MOV10: variants seen among roughly 807,000 people sequenced by gnomAD.
The protein encoded by MOV10 is RNA helicase MOV-10.
In MOV10, 39 loss-of-function variants were observed where a neutral mutation model predicts 108.4. That is an observed-to-expected ratio of 0.36 (90% CI 0.28 to 0.47). The LOEUF (loss-of-function observed/expected upper bound fraction) is 0.47. Among genes scored for constraint, MOV10 ranks in the 20% least tolerant of loss-of-function variants. The pLI is 1.00. For missense variants in MOV10, 952 were observed against 1,297.6 expected (o/e 0.73, Z 4.09); for synonymous variants, 490 against 523.1 (o/e 0.94, Z 0.86).
chr1:112,696,571 G>A (rs919489917), intron 13 of MOV10, 37 bp downstream of exon 13: 1 of 1,611,018 alleles, frequency 6.2e-7, no homozygotes. Context: ...TATACACCCT[G>A]TGTGGGTCAG....
chr1:112,696,905 AC>A, intron 14 of MOV10, 59 bp downstream of exon 14: 1 of 1,376,524 alleles, frequency 7.3e-7, no homozygotes, highest in Non-Finnish European at 1.0e-6. Context: ...CTGCATGCAG[AC>A]CCCACTGGAG....
intron 14 of MOV10, 82 bp downstream of exon 14, chr1:112,696,928 C>A: frequency 2.6e-6 from 3 of 1,154,524 alleles, no homozygotes; most frequent in East Asian, 2.6e-5. Context: ...GTCTGGCTTG[C>A]TGTCAGTCCT....
At chr1:112,690,762 A>G (rs892714488) in intron 5 of MOV10, among the ~76,000 whole-genome samples, 4 of 152,138 alleles carry the variant, frequency 2.6e-5, no homozygotes, top group African/African-American at 9.7e-5. Context: ...TATATTCACA[A>G]ATATGTGACA....
chr1:112,700,474 G>T lies in MOV10; in HGVS notation c.2979G>T (p.Leu993=), dbSNP rs116614538. 1,824 of 1,613,860 alleles carry T rather than the reference G, an allele frequency of 1.1e-3. 19 individuals carry two copies. The African/African-American group carries it at 0.017, about 15-fold the overall frequency. Residue 993 remains leucine, a synonymous_variant, in exon 21 of 21, where the codon CTG becomes CTT. Transcript: ENST00000369645. ...GGGAGGGTGAAGGGGGCCTGTCTCTGCAAGTGGAGCCAGAGTGGAGGAATG... is the reference window on the plus strand; with the variant it reads ...GGGAGGGTGAAGGGGGCCTGTCTCTTCAAGTGGAGCCAGAGTGGAGGAATG... ...QEREGEGGLS[L]QVEPEWRNEL
At chr1:112,688,699 C>T in intron 2 of MOV10, 2 of 1,420,600 alleles carry the variant, frequency 1.4e-6, no homozygotes, top group East Asian at 2.6e-5. Context: ...CAATCCAGAA[C>T]CCACTGTTTA....
chr1:112,689,807 C>T (rs1287230966), intron 4 of MOV10, 33 bp from the exon 5 acceptor site: 2 of 1,606,424 alleles, frequency 1.2e-6, no homozygotes, highest in African/African-American at 2.7e-5. Context: ...TGGGAGGGTC[C>T]CTACCCCCAT....
In MOV10 at chr1:112,700,267, C is replaced by T. The variant is rs766472100; in HGVS notation, c.2847C>T (p.Phe949=). 6 of 1,614,056 alleles carry T rather than the reference C, an allele frequency of 3.7e-6. No individual in the cohort carries two copies. The highest frequency in any genetic ancestry group is 1.3e-5 in the African/African-American group (1 of 74,908). Residue 949 remains phenylalanine (F), a synonymous_variant, in exon 20 of 21, where the codon TTC becomes TTT. Transcript: ENST00000369645. The part of the protein sequence containing the change: ...KENGGYTGCP[F]PAKLDLQQGQ... ...ACGGAGGGTATACCGGGTGTCCCTTCCCTGCCAAACTGGACCTGCAACAGG... is the reference window on the plus strand; with the variant it reads ...ACGGAGGGTATACCGGGTGTCCCTTTCCTGCCAAACTGGACCTGCAACAGG...
At position 112,689,047 on chromosome 1, in the gene MOV10, G is replaced by A. The variant is rs370478051; in HGVS notation, c.250G>A (p.Asp84Asn). 2.6e-5 allele frequency: 42 copies of A among 1,612,516 alleles called. No individual in the cohort carries two copies. Among genetic ancestry groups the A allele is most frequent in the African/African-American group, 9.3e-5 (7 of 74,868 alleles). The change falls in exon 3 of 21, where the codon GAC becomes AAC. Residue 84 changes from aspartate (D) to asparagine (N), a missense_variant. Asp to Asn is a conservative substitution (Grantham distance 23, BLOSUM62 1). Around this residue, in one of 5 missense-constraint regions of MOV10, gnomAD observed 374 missense variants for 468.6 expected, o/e 0.80. Transcript: ENST00000369645. Reference sequence around the variant, plus strand: ...GTTCTTCAGACTCGACCGCTGGGCCGACGTGCGGTTCCCAGAAAAGAGGAG... The same window carrying A: ...GTTCTTCAGACTCGACCGCTGGGCCAACGTGCGGTTCCCAGAAAAGAGGAG... ...VRFFRLDRWA[D>N]VRFPEKRRMK...
At chr1:112,686,635 C>T (rs1673099786) in intron 2 of MOV10, among the ~76,000 whole-genome samples, 1 of 152,156 alleles carries the variant, frequency 6.6e-6, no homozygotes. Flanking sequence ...GAGCTGGTTG[C>T]CTCTGGACCA....
chr1:112,699,629 A>G, intron 17 of MOV10, 56 bp from the exon 18 acceptor site: 1 of 1,610,066 alleles, frequency 6.2e-7, no homozygotes, highest in Non-Finnish European at 8.5e-7. Flanking sequence ...TCCCTGGGGT[A>G]GGGCACCCCT....
chr1:112,684,392 T>C (rs1015878421), intron 2 of MOV10, among the ~76,000 whole-genome samples: 9 of 151,340 alleles, frequency 5.9e-5, no homozygotes, highest in Admixed American at 4.6e-4. Context: ...CTCAGCCTCC[T>C]GAGTAGCTGG....
intron 3 of MOV10, 21 bp from the exon 4 acceptor site, chr1:112,689,394 C>CCA: frequency 6.7e-7 from 1 of 1,499,138 alleles, no homozygotes; most frequent in Non-Finnish European, 9.3e-7. Flanking sequence ...CCAACCCCCC[C>CCA]TTGACTCCCC....
At chr1:112,700,111 T>C in intron 19 of MOV10, 108 bp from the exon 20 acceptor site, 5 of 1,590,794 alleles carry the variant, frequency 3.1e-6, no homozygotes, top group African/African-American at 1.3e-5. Flanking sequence ...GCATCACTAT[T>C]GTATTTATAA....
chr1:112,677,968 GC>G (rs959764830), intron 2 of MOV10, among the ~76,000 whole-genome samples: 9 of 152,058 alleles, frequency 5.9e-5, no homozygotes, highest in Non-Finnish European at 1.3e-4. Context: ...CTTGGTCCTT[GC>G]CTCCAAAGAA....
At position 112,693,951 on chromosome 1, in the gene MOV10, A is replaced by AC. The variant is rs957171363; in HGVS notation, c.1141-65dup. The stretch of plus-strand genomic sequence containing the variant: ...TCCTTGTCCCTTAAAGGTCTGGGGA[A>AC]CCTGGGGGCTGGGCCCTCCAGCGTC... On this transcript the variant is annotated intron_variant, in intron 7 of 20. Transcript: ENST00000369645. The AC allele has an allele frequency of 2.0e-6, 3 of 1,505,882 alleles. No individual in the cohort carries two copies. The African/African-American group carries it at 4.1e-5, about 21-fold the overall frequency. 93.3% of individuals were successfully genotyped at this position (1,505,882 alleles called of 1,614,324 possible). A position where few individuals can be genotyped will look rare whatever the true frequency, so the allele number is the denominator to read the frequency against.
chr1:112,689,774 A>G lies in MOV10; in HGVS notation c.578-66A>G, dbSNP rs3748659. 12,118 of 1,587,180 alleles carry G rather than the reference A, an allele frequency of 7.6e-3. 334 individuals are homozygous for G. The East Asian group carries it at 0.096, about 13-fold the overall frequency. Reference sequence around the variant, plus strand: ...GCCTTGGGATGGGGCTTCCTGGGGGAGTGTCCGGGATAAGGATATGGGTGG... The same window carrying G: ...GCCTTGGGATGGGGCTTCCTGGGGGGGTGTCCGGGATAAGGATATGGGTGG... On this transcript the variant is annotated intron_variant, in intron 4 of 20. Coordinates refer to ENST00000369645, the MANE Select transcript of MOV10 (RefSeq NM_001321324.2).
At chr1:112,690,404 G>A (rs1260234246) in intron 5 of MOV10, among the ~76,000 whole-genome samples, 1 of 152,118 alleles carries the variant, frequency 6.6e-6, no homozygotes, top group Non-Finnish European at 1.5e-5. Context: ...CTGTCGCCCA[G>A]GCTGGAGTGC....
At chr1:112,690,232 AT>A in intron 5 of MOV10, 134 bp downstream of exon 5, 1 of 1,189,978 alleles carries the variant, frequency 8.4e-7, no homozygotes, top group Non-Finnish European at 1.2e-6. Context: ...GTCTCAGAGA[AT>A]TTTTCTGTCA....
chr1:112,688,510 C>G (rs1673274272), intron 2 of MOV10: 1 of 1,077,534 alleles, frequency 9.3e-7, no homozygotes. Context: ...CCCACATCCA[C>G]CCCTCTGAAT....
Sources: gnomAD v4.1 joint callset for allele counts (sites outside exome capture counted in the v4.1 genomes callset) on GRCh38, gnomAD v4.1.1 for gene constraint, gnomAD v4.1.1 regional missense constraint, MANE v1.5 for transcripts, NCBI Gene and HGNC (gene_info 2026-07-23, HGNC 2026-07-21) for gene names.